Variants in SLC34A2 observed in about 807,000 individuals in gnomAD.
SLC34A2 encodes the protein solute carrier family 34 member 2, also known as sodium-dependent phosphate transport protein 2B.
SLC34A2 carries 41 observed loss-of-function variants against 50.8 expected under a neutral mutation model. The observed-to-expected ratio is 0.81, with a 90% confidence interval of 0.63 to 1.05. The LOEUF is 1.05. SLC34A2 is among the 50% of genes least tolerant of loss of function. SLC34A2 has a pLI of 0.00. For synonymous variants in SLC34A2, 401 were observed against 364.2 expected (o/e 1.10, Z -1.15); for missense variants, 879 against 876.7 (o/e 1.00, Z -0.03).
chr4:25,660,744 C>G (rs111533511), intron 1 of SLC34A2, among the ~76,000 whole-genome samples: 11,844 of 152,242 alleles, frequency 0.078, 621 homozygotes, highest in Admixed American at 0.12. Flanking sequence ...GGGGTTTCAC[C>G]ATGTTGTCCA....
intron 9 of SLC34A2, among the ~76,000 whole-genome samples, chr4:25,672,399 G>C (rs1172125848): frequency 1.3e-5 from 2 of 152,166 alleles, no homozygotes; most frequent in East Asian, 1.9e-4. Flanking sequence ...GGGCACTGGG[G>C]CTGTAGCTCT....
Position 25,673,182 on chromosome 4 carries a change from A to C in SLC34A2, c.1144A>C (p.Met382Leu). The change falls in exon 10 of 13, where the codon ATG (methionine) becomes CTG (leucine). Residue 382 changes from methionine (M) to leucine (L), a missense_variant. By Grantham distance (15) the Met-to-Leu change is conservative (BLOSUM62 2). Transcript: ENST00000382051. ...GCTGGTCCTCTGTGGTTGCCTGATC[A>C]TGATTGTCAAGATCCTGGGCTCTGT... is the stretch of plus-strand genomic sequence containing the variant. ...SLLVLCGCLI[M>L]IVKILGSVLK... 6.2e-7 allele frequency: 1 copy of C among 1,614,088 alleles called. No individual in the cohort carries two copies. The highest frequency in any genetic ancestry group is 8.5e-7 in the Non-Finnish European group (1 of 1,180,012).
intron 1 of SLC34A2, 60 bp from the exon 2 acceptor site, chr4:25,662,438 T>C (rs1048897072): frequency 8.4e-6 from 12 of 1,436,716 alleles, no homozygotes; most frequent in African/African-American, 2.8e-5. Flanking sequence ...CTTCCTCTTA[T>C]AGCATCTCGG....
At chr4:25,655,972 G>A (rs953871497) in intron 1 of SLC34A2, 82 bp downstream of exon 1, 4 of 152,250 alleles carry the variant, frequency 2.6e-5, no homozygotes, top group Non-Finnish European at 5.9e-5. Context: ...ATACCTCTCG[G>A]TGCTGACTTC....
intron 6 of SLC34A2, 41 bp downstream of exon 6, chr4:25,668,032 T>C (rs950539935): frequency 1.6e-6 from 2 of 1,274,708 alleles, no homozygotes; most frequent in African/African-American, 2.9e-5. Context: ...TCAGCTCTAT[T>C]GTTCTTGGCC....
At position 25,662,544 on chromosome 4, in the gene SLC34A2, A is replaced by G. The variant is rs373409432; in HGVS notation, c.44A>G (p.Asp15Gly). 1.5e-5 allele frequency: 24 copies of G among 1,613,834 alleles called. No individual in the cohort carries two copies. The highest frequency in any genetic ancestry group is 1.7e-6 in the Non-Finnish European group (2 of 1,180,004). ...TTGGGAGATGCCCAGCCCAACCCCG[A>G]TAAGTACCTCGAAGGGGCCGCAGGT... ...PELGDAQPNPDKYLEGAAGQQ... is the reference protein window; with the variant it reads ...PELGDAQPNPGKYLEGAAGQQ... The change falls in exon 2 of 13, where the codon GAT becomes GGT. Residue 15 changes from aspartate to glycine, a missense_variant. By Grantham distance (94) the Asp-to-Gly change is moderately conservative. Transcript: ENST00000382051.
chr4:25,668,015 T>G, intron 6 of SLC34A2, 24 bp downstream of exon 6: 4 of 1,427,870 alleles, frequency 2.8e-6, no homozygotes, highest in Non-Finnish European at 9.9e-7. Flanking sequence ...AACCAGCCTT[T>G]GCGACATCAG....
rs985011809 is a variant in SLC34A2 at position 25,662,669 on chromosome 4, G to A, written c.113-36G>A. ...CTTTGTGAGGACCCCAGGAGACTCAGGTCTGATTCCTCATTACCCCTTTTG... is the reference window on the plus strand; with the variant it reads ...CTTTGTGAGGACCCCAGGAGACTCAAGTCTGATTCCTCATTACCCCTTTTG... On this transcript the variant is annotated intron_variant, in intron 2 of 12. Coordinates refer to ENST00000382051, the MANE Select transcript of SLC34A2 (RefSeq NM_006424.3). 29 of 1,614,016 alleles carry A rather than the reference G, an allele frequency of 1.8e-5. No individual in the cohort carries two copies. In the African/African-American group the frequency reaches 2.3e-4, roughly 13 times the overall value.
chr4:25,668,916 T>A (rs1173525749), intron 6 of SLC34A2, among the ~76,000 whole-genome samples: 4 of 151,428 alleles, frequency 2.6e-5, no homozygotes, highest in Non-Finnish European at 4.4e-5. Context: ...AGTTTTTTTT[T>A]AAAAGGTAAG....
intron 10 of SLC34A2, 129 bp from the exon 11 acceptor site, chr4:25,674,165 ACT>A: frequency 1.4e-6 from 1 of 729,360 alleles, no homozygotes; most frequent in South Asian, 1.5e-5. Flanking sequence ...GGATTCTAAA[ACT>A]CTACTCTGTA....
chr4:25,667,915 G>A lies in SLC34A2; in HGVS notation c.559G>A (p.Gly187Arg). Residue 187 changes from glycine to arginine, a missense_variant, in exon 6 of 13, where the codon GGG becomes AGG. Gly to Arg is a moderately radical substitution (Grantham distance 125, BLOSUM62 -2). Transcript: ENST00000382051. The stretch of plus-strand genomic sequence containing the variant: ...TCGGGCTGCCATCCCCATTATCATG[G>A]GGGCCAACATTGGAACGTCAATCAC... ...TVRAAIPIIM[G>R]ANIGTSITNT... 6.2e-7 allele frequency: 1 copy of A among 1,613,968 alleles called. No individual in the cohort carries two copies. The highest frequency in any genetic ancestry group is 1.1e-5 in the South Asian group (1 of 91,074).
rs1196544723 is a variant in SLC34A2, at chr4:25,677,740, A to G, written c.*991A>G. ...CCCAGGGAGTATCTGCACCTGGAATAGCTCTCCACCCCTCTCTGCCTCCTT... is the reference window on the plus strand; with the variant it reads ...CCCAGGGAGTATCTGCACCTGGAATGGCTCTCCACCCCTCTCTGCCTCCTT... On this transcript the variant is annotated 3_prime_UTR_variant, in exon 13 of 13. Coordinates refer to ENST00000382051, the MANE Select transcript of SLC34A2 (RefSeq NM_006424.3). 1 of 152,160 alleles carries G rather than the reference A, an allele frequency of 6.6e-6. No individual in the cohort carries two copies. The highest frequency in any genetic ancestry group is 1.9e-4 in the East Asian group (1 of 5,186). 9.4% of individuals were successfully genotyped at this position (152,160 alleles called of 1,614,324 possible).
chr4:25,676,543 C>A lies in SLC34A2; in HGVS notation c.1867C>A (p.Arg623Ser). Residue 623 changes from arginine (R) to serine (S), a missense_variant, in exon 13 of 13, where the codon CGC becomes AGC. By Grantham distance (110) the Arg-to-Ser change is moderately radical. Coordinates refer to ENST00000382051, the MANE Select transcript of SLC34A2 (RefSeq NM_006424.3). ...CFQMRCCCCC[R>S]VCCRACCLLC... is the part of the protein sequence containing the mutation. ...CCAGATGCGCTGCTGCTGCTGCTGC[C>A]GCGTGTGCTGCCGCGCGTGCTGCTT... The A allele has an allele frequency of 6.2e-7, 1 of 1,612,408 alleles. No homozygotes were observed.
intron 5 of SLC34A2, 147 bp downstream of exon 5, chr4:25,666,418 T>G: frequency 1.1e-6 from 1 of 899,604 alleles, no homozygotes; most frequent in Non-Finnish European, 1.7e-6. Context: ...ACAATGTGTT[T>G]CCCTCTTGAT....
In SLC34A2 at chr4:25,662,575, GCCCACTGCC is replaced by G. The variant is rs770444879; in HGVS notation, c.78_86del (p.Thr27_Pro29del). The G allele has an allele frequency of 1.1e-5, 17 of 1,614,016 alleles. No homozygotes were observed. The East Asian group carries it at 3.8e-4, about 36-fold the overall frequency. ...ACCTCGAAGGGGCCGCAGGTCAGCA[GCCCACTGCC>G]CCTGATAAAAGCAAAGAGACCAACA... On this transcript the variant is annotated inframe_deletion, in exon 2 of 13. Coordinates refer to ENST00000382051, the MANE Select transcript of SLC34A2 (RefSeq NM_006424.3).
At chr4:25,668,645 A>AG (rs1714637431) in intron 6 of SLC34A2, among the ~76,000 whole-genome samples, 1 of 151,664 alleles carries the variant, frequency 6.6e-6, no homozygotes, top group Non-Finnish European at 1.5e-5. Context: ...CCATCTAAAA[A>AG]AAAAAAAAAA....
chr4:25,676,103 G>A (rs375288620), intron 12 of SLC34A2, 32 bp from the exon 13 acceptor site: 93 of 1,612,610 alleles, frequency 5.8e-5, no homozygotes, highest in Non-Finnish European at 7.5e-5. Context: ...TGGGCAACAG[G>A]CCCCTCACCT....
In SLC34A2 at chr4:25,670,743, T is replaced by TA. The variant is rs758102711; in HGVS notation, c.843dup (p.Val282SerfsTer10). 2 of 1,613,236 alleles carry TA rather than the reference T, an allele frequency of 1.2e-6. No homozygotes were observed. Among genetic ancestry groups the TA allele is most frequent in the African/African-American group, 2.7e-5 (2 of 74,914 alleles). ...CCTGTCTACTGTTTCCACAGCTGGA[T>TA]AAAAAAGTTATCAGCCAAATTGCAA... On this transcript the variant is annotated frameshift_variant, in exon 8 of 13. Coordinates refer to ENST00000382051, the MANE Select transcript of SLC34A2 (RefSeq NM_006424.3). LOFTEE classifies it high-confidence loss of function.
chr4:25,662,365 C>T (rs1714236364), intron 1 of SLC34A2, 133 bp from the exon 2 acceptor site: 8 of 743,022 alleles, frequency 1.1e-5, no homozygotes, highest in Non-Finnish European at 1.4e-5. Context: ...AAATCTTTCC[C>T]TTCCTTTTAC....
Sources: allele counts gnomAD v4.1 joint callset (sites outside exome capture counted in the v4.1 genomes callset), GRCh38; gene constraint gnomAD v4.1.1; transcripts MANE v1.5; gene names NCBI Gene and HGNC (gene_info 2026-07-23, HGNC 2026-07-21).